The following DSCAML1 variants were observed in gnomAD, a reference collection of about 807,000 sequenced individuals.
DSCAML1 encodes DS cell adhesion molecule like 1, also known as cell adhesion molecule DSCAML1.
In DSCAML1, 38 loss-of-function variants were observed where a neutral mutation model predicts 200.5. That is an observed-to-expected ratio of 0.19 (90% CI 0.15 to 0.25). The LOEUF (loss-of-function observed/expected upper bound fraction) is 0.25, where lower values mean the gene tolerates loss of function less well. Ranked by LOEUF, DSCAML1 falls within the 10% of genes least tolerant of loss-of-function variation. The pLI, the probability that DSCAML1 is intolerant of heterozygous loss-of-function variation, is 1.00. For synonymous variants in DSCAML1, 1,215 were observed against 1,165.0 expected, an observed-to-expected ratio of 1.04 and a Z score of -0.87; for missense variants, 2,223 against 2,858.8, an observed-to-expected ratio of 0.78 and a Z score of 5.07.
Position 117,688,965 on chromosome 11 carries a change from A to G in DSCAML1, c.511+87826T>C, listed in dbSNP as rs185772561. On this transcript the variant is annotated intron_variant, in intron 3 of 32. Transcript: ENST00000651296. ...CCTACTGGCTATCATTGAGGACACC[A>G]GCCCTATGCAAAAGGCAGGTCTCGG... Among the ~76,000 whole-genome samples, 174 of 152,338 alleles carry G rather than the reference A, an allele frequency of 1.1e-3. 1 individual carries two copies. The highest frequency in any genetic ancestry group is 3.8e-3 in the African/African-American group (157 of 41,578).
At chr11:117,641,570 G>A (rs1175112833) in intron 3 of DSCAML1, among the ~76,000 whole-genome samples, 3 of 152,176 alleles carry the variant, frequency 2.0e-5, no homozygotes, top group Non-Finnish European at 4.4e-5. Context: ...AATTGTCTGG[G>A]AAGGGAATGG....
intron 20 of DSCAML1, among the ~76,000 whole-genome samples, chr11:117,448,266 A>T (rs1487019072): frequency 6.6e-6 from 1 of 152,178 alleles, no homozygotes; most frequent in Non-Finnish European, 1.5e-5. Flanking sequence ...CTAGAGAATG[A>T]CTACCCTCTC....
At chr11:117,622,309 C>G (rs541307584) in intron 3 of DSCAML1, among the ~76,000 whole-genome samples, 14 of 152,324 alleles carry the variant, frequency 9.2e-5, no homozygotes, top group South Asian at 2.1e-4. Flanking sequence ...GATGAAGAAG[C>G]TGAGAAGCCG....
rs71037492 is a variant in DSCAML1, at chr11:117,687,426, A to ATTTTTTTTTTTTTTTTTTTTTTT, written c.511+89364_511+89365insAAAAAAAAAAAAAAAAAAAAAAA. 1.2e-4 allele frequency among the ~76,000 whole-genome samples: 12 copies of ATTTTTTTTTTTTTTTTTTTTTTT among 97,640 alleles called. 2 individuals are homozygous for ATTTTTTTTTTTTTTTTTTTTTTT. Among genetic ancestry groups the ATTTTTTTTTTTTTTTTTTTTTTT allele is most frequent in the African/African-American group, 4.5e-4 (11 of 24,306 alleles). 64.1% of individuals were successfully genotyped at this position (97,640 alleles called of 152,430 possible). A position where few individuals can be genotyped will look rare whatever the true frequency, so the allele number is the denominator to read the frequency against. The stretch of plus-strand genomic sequence containing the variant: ...CAGGTGTGCTCCACCATGCCTGGCT[A>ATTTTTTTTTTTTTTTTTTTTTTT]TTTTTTTTTTTTTTTTTTTTTTAGA... On this transcript the variant is annotated intron_variant, in intron 3 of 32. Transcript: ENST00000651296.
In DSCAML1 at chr11:117,435,777, A is replaced by G. The variant is rs2047903553; in HGVS notation, c.4743T>C (p.Ser1581=). The G allele has an allele frequency of 6.2e-7, 1 of 1,611,436 alleles. No homozygotes were observed. The highest frequency in any genetic ancestry group is 8.5e-7 in the Non-Finnish European group (1 of 1,177,846). Residue 1581 remains serine, a synonymous_variant, in exon 27 of 33, where the codon TCT becomes TCC. Transcript: ENST00000651296. ...TCACATCATCCCCTTCACCTTGAGC[A>G]GACTTGATGGGTGGAATGGTGCCTG... is the stretch of plus-strand genomic sequence containing the variant. ...YDGSTIPPIK[S]AQGEGDDVKK...
chr11:117,510,187 T>C (rs2049591219), intron 8 of DSCAML1, among the ~76,000 whole-genome samples: 1 of 152,128 alleles, frequency 6.6e-6, no homozygotes, highest in African/African-American at 2.4e-5. Context: ...TCTCATCATC[T>C]CTCTTTGAGA....
chr11:117,456,671 C>CTT (rs10661996), intron 19 of DSCAML1, among the ~76,000 whole-genome samples: 112,675 of 142,088 alleles, frequency 0.79, 45,025 homozygotes, highest in Middle Eastern at 0.85. Context: ...GCAGTCATTT[C>CTT]TTTTTTTTTT....
intron 3 of DSCAML1, among the ~76,000 whole-genome samples, chr11:117,590,618 A>G (rs2137482826): frequency 6.6e-6 from 1 of 152,254 alleles, no homozygotes; most frequent in East Asian, 1.9e-4. Flanking sequence ...TCATCTCGAG[A>G]TGGAGCACAG....
intron 3 of DSCAML1, among the ~76,000 whole-genome samples, chr11:117,582,622 C>T (rs899005334): frequency 1.3e-5 from 2 of 152,110 alleles, no homozygotes; most frequent in African/African-American, 4.8e-5. Context: ...TGAAGGGGAC[C>T]CTCAGGCCTG....
At chr11:117,782,126 G>C (rs1010572260) in intron 1 of DSCAML1, among the ~76,000 whole-genome samples, 1 of 152,260 alleles carries the variant, frequency 6.6e-6, no homozygotes, top group Admixed American at 6.5e-5. Flanking sequence ...CGTTGCAGGG[G>C]ACCCAACTTG....
chr11:117,641,114 T>C (rs561386473), intron 3 of DSCAML1, among the ~76,000 whole-genome samples: 7 of 152,342 alleles, frequency 4.6e-5, no homozygotes, highest in East Asian at 1.9e-4. Context: ...CTGTTTCCAA[T>C]AGGGGTAGGC....
Position 117,498,850 on chromosome 11 carries a change from CAAAT to C in DSCAML1, c.2359+4991_2359+4994del, listed in dbSNP as rs1318825233. On this transcript the variant is annotated intron_variant, in intron 11 of 32. Transcript: ENST00000651296. This position sits in a 1 kb window ranked among gnomAD's most constrained non-coding sequence, Gnocchi z 4.0. ...TTAATTGGTCTGACATTTTGCTAAA[CAAAT>C]AAATCAAAACTCAGACCAAACAAAG... 6.6e-6 allele frequency among the ~76,000 whole-genome samples: 1 copy of C among 152,110 alleles called. No homozygotes were observed. Among genetic ancestry groups the C allele is most frequent in the African/African-American group, 2.4e-5 (1 of 41,436 alleles).
At chr11:117,678,975 A>G (rs1415663687) in intron 3 of DSCAML1, among the ~76,000 whole-genome samples, 1 of 152,268 alleles carries the variant, frequency 6.6e-6, no homozygotes, top group African/African-American at 2.4e-5. Flanking sequence ...GGCAGGTTCA[A>G]GCGGAGAACA....
intron 1 of DSCAML1, among the ~76,000 whole-genome samples, chr11:117,785,618 A>G: frequency 6.6e-6 from 1 of 152,300 alleles, no homozygotes. Flanking sequence ...TTGAGGGTCC[A>G]GCAGTCCCCG....
At chr11:117,509,499 G>C (rs1438736839) in intron 8 of DSCAML1, among the ~76,000 whole-genome samples, 1 of 152,196 alleles carries the variant, frequency 6.6e-6, no homozygotes, top group Non-Finnish European at 1.5e-5. Context: ...CTCCAACCCT[G>C]CTTCTGGGGG....
chr11:117,562,973 G>A (rs2050692144), intron 3 of DSCAML1, among the ~76,000 whole-genome samples: 1 of 152,140 alleles, frequency 6.6e-6, no homozygotes, highest in East Asian at 1.9e-4. Context: ...GACACTGTCT[G>A]GAAGGATCTG....
chr11:117,435,866 G>T, intron 26 of DSCAML1, 67 bp from the exon 27 acceptor site: 1 of 1,523,028 alleles, frequency 6.6e-7, no homozygotes, highest in Non-Finnish European at 8.9e-7. Flanking sequence ...AACATCTCAT[G>T]GGTGGGGCAG....
In DSCAML1 at chr11:117,709,758, A is replaced by G. The variant is rs77283686; in HGVS notation, c.511+67033T>C. 2,597 of 454,588 alleles carry G rather than the reference A, an allele frequency of 5.7e-3. 63 individuals carry two copies. The highest frequency in any genetic ancestry group is 0.047 in the African/African-American group (2,365 of 50,094). The allele number at this position is 454,588 out of a possible 1,614,324, so 28.2% of individuals were successfully genotyped here. ...AGGCAACATCTTCAGGGCACTGGAAAGTCTCCTGACCCATCACCCTAAGGA... is the reference window on the plus strand; with the variant it reads ...AGGCAACATCTTCAGGGCACTGGAAGGTCTCCTGACCCATCACCCTAAGGA... On this transcript the variant is annotated intron_variant, in intron 3 of 32. Coordinates refer to ENST00000651296, the MANE Select transcript of DSCAML1 (RefSeq NM_020693.4).
chr11:117,522,630 G>A (rs7944704), intron 5 of DSCAML1, among the ~76,000 whole-genome samples: 5,806 of 152,228 alleles, frequency 0.038, 169 homozygotes, highest in East Asian at 0.12. Flanking sequence ...CTCCCTACTC[G>A]TTTCCCAGAG....
Sources: gnomAD v4.1 joint callset for allele counts (sites outside exome capture counted in the v4.1 genomes callset) on GRCh38, gnomAD v4.1.1 for gene constraint, Gnocchi (gnomAD v3.1) non-coding constraint, MANE v1.5 for transcripts, NCBI Gene and HGNC (gene_info 2026-07-23, HGNC 2026-07-21) for gene names.